The following EPM2A variants were observed in gnomAD, a reference collection of about 807,000 sequenced individuals.
The protein encoded by EPM2A is laforin.
A neutral mutation model predicts 26.5 loss-of-function variants in EPM2A; 21 were observed. The observed-to-expected ratio is 0.79, with a 90% CI of 0.56 to 1.14. The LOEUF is 1.14. EPM2A is among the 50% of genes most tolerant of loss of function. The pLI, the probability that EPM2A is intolerant of heterozygous loss-of-function variation, is 0.00. For synonymous variants in EPM2A, 217 were observed against 177.6 expected (o/e 1.22, Z -1.76); for missense variants, 458 against 440.8 (o/e 1.04, Z -0.35).
chr6:145,671,050 A>G (rs1333988140), intron 2 of EPM2A: 2 of 985,228 alleles, frequency 2.0e-6, no homozygotes, highest in Non-Finnish European at 2.4e-6. Flanking sequence ...ATTAGTGTCT[A>G]TCTTTGCCCA....
intron 2 of EPM2A, among the ~76,000 whole-genome samples, chr6:145,554,415 AGATAGAT>A (rs1398087422): frequency 2.1e-5 from 3 of 144,572 alleles, no homozygotes; most frequent in East Asian, 2.1e-4. Flanking sequence ...ATAGAGAGAT[AGATAGAT>A]GATAGATAGA....
chr6:145,462,570 A>G (rs1779340153), intron 4 of EPM2A, among the ~76,000 whole-genome samples: 1 of 152,192 alleles, frequency 6.6e-6, no homozygotes, highest in African/African-American at 2.4e-5. Flanking sequence ...TTGCTCATAA[A>G]TTAAAATATA....
intron 2 of EPM2A, among the ~76,000 whole-genome samples, chr6:145,566,610 T>C (rs1202088061): frequency 6.6e-6 from 1 of 152,230 alleles, no homozygotes; most frequent in Non-Finnish European, 1.5e-5. Context: ...GAAGGTGAGT[T>C]GCTTTTATGT....
chr6:145,432,500 C>CT (rs3063949), intron 4 of EPM2A, among the ~76,000 whole-genome samples: 2,893 of 147,074 alleles, frequency 0.02, 34 homozygotes, highest in African/African-American at 0.03. Flanking sequence ...TTTTTTGAGT[C>CT]TTTTTTTTTT....
At position 145,512,142 on chromosome 6, in the gene EPM2A, C is replaced by T. The variant is rs117981687; in HGVS notation, c.341-9567G>A. On this transcript the variant is annotated intron_variant, in intron 2 of 3. Transcript: ENST00000450221. ...ACAAATAAATGGGAAAACATCCCAA[C>T]GCTCATGGATTGTAAGACTCAATAT... 2.0e-3 allele frequency among the ~76,000 whole-genome samples: 299 copies of T among 152,160 alleles called. 4 individuals are homozygous for T. In the East Asian group the frequency reaches 0.027, roughly 14 times the overall value.
intron 2 of EPM2A, among the ~76,000 whole-genome samples, chr6:145,555,475 G>A (rs1390531448): frequency 2.0e-5 from 3 of 152,054 alleles, no homozygotes; most frequent in African/African-American, 4.8e-5. Context: ...AAATCAGCAA[G>A]TTTATATGGT....
At chr6:145,453,120 C>T (rs1420086471) in intron 4 of EPM2A, among the ~76,000 whole-genome samples, 3 of 152,174 alleles carry the variant, frequency 2.0e-5, no homozygotes, top group African/African-American at 7.2e-5. Flanking sequence ...TCTAAAACTT[C>T]TGATGCTGTT....
intron 4 of EPM2A, among the ~76,000 whole-genome samples, chr6:145,476,249 T>C (rs1319772237): frequency 1.3e-5 from 2 of 152,068 alleles, no homozygotes; most frequent in African/African-American, 4.8e-5. Context: ...TAAATATATA[T>C]GCACCCAACA....
chr6:145,512,901 A>G (rs1354905195), intron 2 of EPM2A, among the ~76,000 whole-genome samples: 1 of 152,012 alleles, frequency 6.6e-6, no homozygotes, highest in Non-Finnish European at 1.5e-5. Flanking sequence ...CTCTCACCAT[A>G]TACAAAAATT....
At chr6:145,578,766 T>C (rs141084111) in intron 2 of EPM2A, among the ~76,000 whole-genome samples, 196 of 152,328 alleles carry the variant, frequency 1.3e-3, no homozygotes, top group African/African-American at 4.4e-3. Flanking sequence ...ACTTTTAGTT[T>C]ATGTAAACTC....
intron 1 of EPM2A, chr6:145,687,044 C>A (rs1386412849): frequency 6.6e-6 from 1 of 152,208 alleles, no homozygotes; most frequent in Non-Finnish European, 1.5e-5. Flanking sequence ...ATATTATTTG[C>A]CTATTTCACG....
At chr6:145,418,211 T>C (rs2114680926) in intron 4 of EPM2A, among the ~76,000 whole-genome samples, 1 of 152,326 alleles carries the variant, frequency 6.6e-6, no homozygotes, top group South Asian at 2.1e-4. Context: ...CACTTGTCTA[T>C]ACCTGCTCCT....
At chr6:145,414,843 G>T (rs1454302581) in intron 4 of EPM2A, among the ~76,000 whole-genome samples, 1 of 152,124 alleles carries the variant, frequency 6.6e-6, no homozygotes, top group Non-Finnish European at 1.5e-5. Flanking sequence ...CCCACTAGCT[G>T]CTGTCATAGC....
chr6:145,482,467 AGGT>A (rs1385077931), intron 4 of EPM2A, among the ~76,000 whole-genome samples: 1 of 152,122 alleles, frequency 6.6e-6, no homozygotes, highest in Non-Finnish European at 1.5e-5. Context: ...AGCTGTTAAA[AGGT>A]GGTATGTTTG....
chr6:145,632,601 T>G (rs1242306797), intron 3 of EPM2A, among the ~76,000 whole-genome samples: 1 of 152,182 alleles, frequency 6.6e-6, no homozygotes, highest in Non-Finnish European at 1.5e-5. Flanking sequence ...TAAGGATCGA[T>G]CACACGATTG....
At chr6:145,408,210 A>G (rs927764521) in intron 4 of EPM2A, among the ~76,000 whole-genome samples, 1 of 152,102 alleles carries the variant, frequency 6.6e-6, no homozygotes, top group Non-Finnish European at 1.5e-5. Flanking sequence ...ATTTTGAGTG[A>G]GGCATTTTCT....
At chr6:145,508,173 G>T in intron 2 of EPM2A, among the ~76,000 whole-genome samples, 1 of 152,282 alleles carries the variant, frequency 6.6e-6, no homozygotes, top group South Asian at 2.1e-4. Flanking sequence ...CACTGCTGTC[G>T]ACATGACAAA....
chr6:145,447,183 T>C (rs945482940), intron 4 of EPM2A, among the ~76,000 whole-genome samples: 1 of 152,066 alleles, frequency 6.6e-6, no homozygotes, highest in Non-Finnish European at 1.5e-5. Context: ...AAGGAAGAAA[T>C]AAAAGAAGGA....
intron 2 of EPM2A, among the ~76,000 whole-genome samples, chr6:145,547,252 C>T (rs1780594462): frequency 6.6e-6 from 1 of 152,038 alleles, no homozygotes; most frequent in Non-Finnish European, 1.5e-5. Flanking sequence ...CTTCCTCTGC[C>T]CTCTCCCCTC....
Sources: gnomAD v4.1 joint callset for allele counts (sites outside exome capture counted in the v4.1 genomes callset) on GRCh38, gnomAD v4.1.1 for gene constraint, MANE v1.5 for transcripts, NCBI Gene and HGNC (gene_info 2026-07-23, HGNC 2026-07-21) for gene names.